The following FUT8 variants were observed in gnomAD, a reference collection of about 807,000 sequenced individuals.
FUT8 encodes alpha-(1,6)-fucosyltransferase.
Under a neutral mutation model 71.3 loss-of-function variants are expected in FUT8, and 29 were observed. The ratio of observed to expected loss-of-function variants is 0.41; its 90% CI spans 0.30 to 0.55. FUT8 has a LOEUF of 0.55. Ranked by LOEUF, FUT8 falls within the 20% of genes least tolerant of loss-of-function variation. The pLI is 0.34. For synonymous variants in FUT8, 254 were observed against 239.3 expected, an observed-to-expected ratio of 1.06 and a Z score of -0.57; for missense variants, 544 against 702.1, an observed-to-expected ratio of 0.77 and a Z score of 2.55.
intron 6 of FUT8, among the ~76,000 whole-genome samples, chr14:65,634,670 A>C (rs1890448320): frequency 6.6e-6 from 1 of 151,038 alleles, no homozygotes; most frequent in South Asian, 2.1e-4. Context: ...TGAGTTCTCT[A>C]TTCTGTTGCA....
chr14:65,480,497 G>A (rs768116217), intron 2 of FUT8, among the ~76,000 whole-genome samples: 2 of 151,398 alleles, frequency 1.3e-5, no homozygotes, highest in Non-Finnish European at 2.9e-5. Flanking sequence ...TGTATTTTTT[G>A]TAGAGACAGG....
At chr14:65,689,911 T>C (rs771818480) in intron 7 of FUT8, among the ~76,000 whole-genome samples, 4 of 152,260 alleles carry the variant, frequency 2.6e-5, no homozygotes, top group African/African-American at 4.8e-5. Flanking sequence ...TTTGGTGTTA[T>C]ATCTGAAAAC....
intron 6 of FUT8, among the ~76,000 whole-genome samples, chr14:65,646,361 G>C (rs1891124812): frequency 6.6e-6 from 1 of 152,234 alleles, no homozygotes; most frequent in Admixed American, 6.5e-5. Context: ...AATAGATGCT[G>C]ACCCTTTAAG....
At chr14:65,692,588 C>T (rs1310725620) in intron 7 of FUT8, among the ~76,000 whole-genome samples, 5 of 148,856 alleles carry the variant, frequency 3.4e-5, no homozygotes, top group East Asian at 2.1e-4. Context: ...CCGGACGGGG[C>T]GGCTGGCTGG....
chr14:65,364,503 T>C, the FUT8 span, among the ~76,000 whole-genome samples: 68,151 of 151,984 alleles, frequency 0.45, 17,788 homozygotes, highest in Non-Finnish European at 0.6. Flanking sequence ...GTGCCTGGCC[T>C]CATTTTGAAA....
At chr14:65,364,596 C>G in the FUT8 span, among the ~76,000 whole-genome samples, 1 of 152,200 alleles carries the variant, frequency 6.6e-6, no homozygotes, top group African/African-American at 2.4e-5. Flanking sequence ...CAGCCAACAA[C>G]CCATCTTGCC....
intron 9 of FUT8, among the ~76,000 whole-genome samples, chr14:65,725,513 T>A (rs1206743740): frequency 1.3e-5 from 2 of 152,206 alleles, no homozygotes. Flanking sequence ...AGTAGGAAAT[T>A]AAGGAGAAGA....
Position 65,561,592 on chromosome 14 carries a change from G to C in FUT8, c.29G>C (p.Trp10Ser). The C allele has an allele frequency of 1.9e-6, 3 of 1,613,436 alleles. No homozygotes were observed. Among genetic ancestry groups the C allele is most frequent in the Non-Finnish European group, 2.5e-6 (3 of 1,179,524 alleles). MRPWTGSWR[W>S]IMLILFAWGT... Reference sequence around the variant, plus strand: ...CGGCCATGGACTGGTTCCTGGCGTTGGATTATGCTCATTCTTTTTGCCTGG... The same window carrying C: ...CGGCCATGGACTGGTTCCTGGCGTTCGATTATGCTCATTCTTTTTGCCTGG... Residue 10 changes from tryptophan to serine, a missense_variant, in exon 3 of 11, where the codon TGG (tryptophan) becomes TCG (serine). Physicochemically the swap from Trp to Ser is radical, Grantham distance 177. Coordinates refer to ENST00000673929, the MANE Select transcript of FUT8 (RefSeq NM_001371533.1).
the FUT8 span, among the ~76,000 whole-genome samples, chr14:65,385,855 A>G: frequency 2.0e-5 from 3 of 151,678 alleles, no homozygotes; most frequent in East Asian, 2.0e-4. Context: ...TATATTTCGC[A>G]TTTTAAGAAG....
At chr14:65,646,092 G>A (rs1891113408) in intron 6 of FUT8, 2 of 152,128 alleles carry the variant, frequency 1.3e-5, no homozygotes, top group African/African-American at 4.8e-5. Context: ...ACTCATGATG[G>A]TGAAATTTTA....
intron 10 of FUT8, 128 bp from the exon 11 acceptor site, chr14:65,741,965 C>A: frequency 1.5e-6 from 1 of 668,392 alleles, no homozygotes; most frequent in South Asian, 1.9e-5. Flanking sequence ...GGACTGAAAG[C>A]TTGTGACTAG....
chr14:65,425,702 G>C (rs951337362), intron 1 of FUT8, among the ~76,000 whole-genome samples: 1 of 152,060 alleles, frequency 6.6e-6, no homozygotes, highest in African/African-American at 2.4e-5. Context: ...TTCTGGCTGG[G>C]AGCAGTGGCT....
chr14:65,402,194 T>C, the FUT8 span, among the ~76,000 whole-genome samples: 1 of 131,352 alleles, frequency 7.6e-6, no homozygotes, highest in African/African-American at 2.8e-5. Context: ...AGATGGAGTG[T>C]GATTTTTTTT....
At chr14:65,654,046 A>G (rs1891540189) in intron 6 of FUT8, among the ~76,000 whole-genome samples, 1 of 152,206 alleles carries the variant, frequency 6.6e-6, no homozygotes, top group Non-Finnish European at 1.5e-5. Flanking sequence ...ATTAATAGGT[A>G]TAGGGAATTG....
chr14:65,515,320 T>C (rs1882638229), intron 2 of FUT8, among the ~76,000 whole-genome samples: 1 of 152,168 alleles, frequency 6.6e-6, no homozygotes, highest in African/African-American at 2.4e-5. Context: ...GCTTACTGCA[T>C]TACAGTTACT....
the FUT8 span, among the ~76,000 whole-genome samples, chr14:65,386,150 T>TAAAAAAA: frequency 7.0e-6 from 1 of 142,422 alleles, no homozygotes; most frequent in African/African-American, 2.6e-5. Context: ...AGACTCCATC[T>TAAAAAAA]AAAAAAAAAA....
intron 2 of FUT8, among the ~76,000 whole-genome samples, chr14:65,485,917 G>A (rs560527894): frequency 9.2e-5 from 14 of 152,268 alleles, no homozygotes; most frequent in South Asian, 4.2e-4. Context: ...CTCTAGAATC[G>A]CTGTTCTTTG....
the FUT8 span, among the ~76,000 whole-genome samples, chr14:65,378,568 C>T: frequency 3.3e-5 from 5 of 152,120 alleles, no homozygotes. Context: ...TAAAGTCTTC[C>T]AGCCATAATA....
intron 3 of FUT8, among the ~76,000 whole-genome samples, chr14:65,563,075 C>A (rs1163051466): frequency 6.6e-6 from 1 of 151,906 alleles, no homozygotes; most frequent in Non-Finnish European, 1.5e-5. Flanking sequence ...AAACATTATT[C>A]TTGTCATTTG....
Sources: gnomAD v4.1 joint callset for allele counts (sites outside exome capture counted in the v4.1 genomes callset) on GRCh38, gnomAD v4.1.1 for gene constraint, MANE v1.5 for transcripts, NCBI Gene and HGNC (gene_info 2026-07-23, HGNC 2026-07-21) for gene names.